LANCL2: variants seen among roughly 807,000 people sequenced by gnomAD.
The protein encoded by LANCL2 is lanC-like protein 2.
Under a neutral mutation model 56.9 loss-of-function variants are expected in LANCL2, and 33 were observed. The ratio of observed to expected loss-of-function variants is 0.58; its 90% CI spans 0.44 to 0.78. The LOEUF (loss-of-function observed/expected upper bound fraction) is 0.78. Ranked by LOEUF, LANCL2 falls within the 30% of genes least tolerant of loss-of-function variation. The pLI is 0.00. For missense variants in LANCL2, 562 were observed against 580.2 expected (o/e 0.97, Z 0.32); for synonymous variants, 233 against 228.2 (o/e 1.02, Z -0.19).
At chr7:55,409,336 G>A (rs760176713) in intron 5 of LANCL2, among the ~76,000 whole-genome samples, 33 of 151,814 alleles carry the variant, frequency 2.2e-4, no homozygotes, top group Non-Finnish European at 1.3e-4. Context: ...TGATCCACCC[G>A]CCTCGGCCTC....
At chr7:55,396,647 C>T (rs1289060891) in intron 2 of LANCL2, among the ~76,000 whole-genome samples, 2 of 152,246 alleles carry the variant, frequency 1.3e-5, no homozygotes, top group Non-Finnish European at 1.5e-5. Flanking sequence ...CTGTTCATTC[C>T]AGCTCCTTTT....
At chr7:55,392,248 G>A in intron 2 of LANCL2, among the ~76,000 whole-genome samples, 1 of 152,042 alleles carries the variant, frequency 6.6e-6, no homozygotes, top group East Asian at 1.9e-4. Flanking sequence ...AGCCGAGATT[G>A]TGCCACTGCA....
At chr7:55,373,634 A>C (rs1789970245) in intron 1 of LANCL2, among the ~76,000 whole-genome samples, 1 of 152,194 alleles carries the variant, frequency 6.6e-6, no homozygotes, top group Non-Finnish European at 1.5e-5. Flanking sequence ...CTTGATACTG[A>C]AATAAGAACG....
At chr7:55,405,370 C>G (rs1161418599) in intron 5 of LANCL2, among the ~76,000 whole-genome samples, 1 of 152,144 alleles carries the variant, frequency 6.6e-6, no homozygotes, top group African/African-American at 2.4e-5. Context: ...CAATGCTAAT[C>G]TCAACTGGAA....
intron 1 of LANCL2, among the ~76,000 whole-genome samples, chr7:55,384,861 A>G (rs1790107433): frequency 6.6e-6 from 1 of 152,212 alleles, no homozygotes; most frequent in African/African-American, 2.4e-5. Flanking sequence ...AGATTAAAAC[A>G]CTACCATCAT....
At chr7:55,421,150 A>C (rs904111741) in intron 6 of LANCL2, among the ~76,000 whole-genome samples, 2 of 152,078 alleles carry the variant, frequency 1.3e-5, no homozygotes, top group Non-Finnish European at 2.9e-5. Context: ...CAGTGTTTTA[A>C]TTGGAATTAG....
At chr7:55,395,861 G>T (rs977521904) in intron 2 of LANCL2, among the ~76,000 whole-genome samples, 1 of 152,170 alleles carries the variant, frequency 6.6e-6, no homozygotes, top group African/African-American at 2.4e-5. Flanking sequence ...TCTGAGAAAC[G>T]CATCATTGAG....
chr7:55,415,621 C>CTTTTTTTTTTTTTT lies in LANCL2; in HGVS notation c.1008+3540_1008+3541insTTTTTTTTTTTTTT, dbSNP rs71031852. Among the ~76,000 whole-genome samples, 11 of 111,758 alleles carry CTTTTTTTTTTTTTT rather than the reference C, an allele frequency of 9.8e-5. 2 individuals carry two copies. The highest frequency in any genetic ancestry group is 2.2e-4 in the Admixed American group (2 of 9,002). 73.3% of individuals were successfully genotyped at this position (111,758 alleles called of 152,430 possible). A position where few individuals can be genotyped will look rare whatever the true frequency, so the allele number is the denominator to read the frequency against. ...CCATAGTTTATCATTGTTTTTCTTT[C>CTTTTTTTTTTTTTT]TTTTTTTTGAGACACAGTGTCGCTC... is the stretch of plus-strand genomic sequence containing the variant. On this transcript the variant is annotated intron_variant, in intron 6 of 8. Coordinates refer to ENST00000254770, the MANE Select transcript of LANCL2 (RefSeq NM_018697.4).
chr7:55,370,791 A>G (rs1389973506), intron 1 of LANCL2, among the ~76,000 whole-genome samples: 1 of 152,178 alleles, frequency 6.6e-6, no homozygotes, highest in African/African-American at 2.4e-5. Context: ...GTACGGCATG[A>G]CTGGAGAAGA....
chr7:55,366,097 C>G lies in LANCL2; in HGVS notation c.72C>G (p.Phe24Leu). ...GGEAEMEERA[F>L]VNPFPDYEAA... ...AGGCAGAAATGGAGGAACGGGCGTT[C>G]GTCAACCCCTTCCCGGACTACGAGG... Residue 24 changes from phenylalanine to leucine, a missense_variant, in exon 1 of 9, where the codon TTC becomes TTG. By Grantham distance (22) the Phe-to-Leu change is conservative (BLOSUM62 0). Coordinates refer to ENST00000254770, the MANE Select transcript of LANCL2 (RefSeq NM_018697.4). The G allele has an allele frequency of 1.3e-6, 2 of 1,538,764 alleles. No individual in the cohort carries two copies. The highest frequency in any genetic ancestry group is 1.8e-6 in the Non-Finnish European group (2 of 1,138,740).
chr7:55,415,049 T>TAC (rs1181314299), intron 6 of LANCL2, among the ~76,000 whole-genome samples: 49 of 151,568 alleles, frequency 3.2e-4, no homozygotes, highest in African/African-American at 1.2e-3. Flanking sequence ...TACATTGTAT[T>TAC]AGGAATTTTA....
At chr7:55,391,197 T>C (rs1790185084) in intron 1 of LANCL2, among the ~76,000 whole-genome samples, 1 of 151,832 alleles carries the variant, frequency 6.6e-6, no homozygotes, top group Non-Finnish European at 1.5e-5. Flanking sequence ...TTTTGTGTTT[T>C]TTAGTAGAGA....
In LANCL2 at chr7:55,422,922, G is replaced by A. The variant is rs536509750; in HGVS notation, c.1009-2332G>A. On this transcript the variant is annotated intron_variant, in intron 6 of 8. Transcript: ENST00000254770. ...GATCCATCTGTTTTGTAGCATGGGCGCACAGGCCCAGGTCGGGTGCGGTGG... is the reference window on the plus strand; with the variant it reads ...GATCCATCTGTTTTGTAGCATGGGCACACAGGCCCAGGTCGGGTGCGGTGG... Among the ~76,000 whole-genome samples, 575 of 152,258 alleles carry A rather than the reference G, an allele frequency of 3.8e-3. 1 individual carries two copies. The highest frequency in any genetic ancestry group is 5.2e-3 in the Non-Finnish European group (356 of 68,016).
chr7:55,366,093 C>A lies in LANCL2; in HGVS notation c.68C>A (p.Ala23Glu). 1 of 1,534,670 alleles carries A rather than the reference C, an allele frequency of 6.5e-7. No individual in the cohort carries two copies. The highest frequency in any genetic ancestry group is 8.8e-7 in the Non-Finnish European group (1 of 1,136,708). ...GGGGAGGCAGAAATGGAGGAACGGG[C>A]GTTCGTCAACCCCTTCCCGGACTAC... ...LGGEAEMEER[A>E]FVNPFPDYEA... The change falls in exon 1 of 9, where the codon GCG (alanine) becomes GAG (glutamate). Residue 23 changes from alanine (A) to glutamate (E), a missense_variant. This residue lies in a region of LANCL2 where 184 missense variants were observed against 111.8 expected (regional missense o/e 1.65). Coordinates refer to ENST00000254770, the MANE Select transcript of LANCL2 (RefSeq NM_018697.4).
chr7:55,419,049 A>G (rs1237819269), intron 6 of LANCL2, among the ~76,000 whole-genome samples: 3 of 151,872 alleles, frequency 2.0e-5, no homozygotes, highest in Admixed American at 2.0e-4. Flanking sequence ...AAAGATTTTT[A>G]TGTTTCTTAG....
intron 5 of LANCL2, among the ~76,000 whole-genome samples, chr7:55,408,488 A>G (rs1163395571): frequency 2.0e-5 from 3 of 152,172 alleles, no homozygotes; most frequent in African/African-American, 7.2e-5. Context: ...CAACACAGTG[A>G]AACCCCGTCT....
chr7:55,391,669 A>C (rs1417872862), intron 1 of LANCL2, 124 bp from the exon 2 acceptor site: 5 of 584,280 alleles, frequency 8.6e-6, no homozygotes, highest in Non-Finnish European at 1.5e-5. Flanking sequence ...CCAATGATGC[A>C]CTGAGATGGT....
chr7:55,404,319 T>C (rs1244437699), intron 5 of LANCL2, among the ~76,000 whole-genome samples: 2 of 152,204 alleles, frequency 1.3e-5, no homozygotes, highest in Non-Finnish European at 2.9e-5. Context: ...TTCTTTCTTC[T>C]TCTTTTAAAT....
intron 1 of LANCL2, among the ~76,000 whole-genome samples, chr7:55,372,010 T>C (rs891833387): frequency 3.3e-5 from 5 of 152,152 alleles, no homozygotes; most frequent in Admixed American, 2.0e-4. Flanking sequence ...TCCTCAAAGA[T>C]TGTTAGAAAT....
Sources: allele counts gnomAD v4.1 joint callset (sites outside exome capture counted in the v4.1 genomes callset), GRCh38; gene constraint gnomAD v4.1.1; regional missense constraint gnomAD v4.1.1; transcripts MANE v1.5; gene names NCBI Gene and HGNC (gene_info 2026-07-23, HGNC 2026-07-21).